The following PDGFB variants were observed in gnomAD, a reference collection of about 807,000 sequenced individuals.
PDGFB encodes the protein platelet-derived growth factor subunit B.
In PDGFB, 6 loss-of-function variants were observed where a neutral mutation model predicts 29.0. The observed-to-expected ratio is 0.21, with a 90% CI of 0.11 to 0.41. The LOEUF (loss-of-function observed/expected upper bound fraction) is 0.41, where lower values mean the gene tolerates loss of function less well. Ranked by LOEUF, PDGFB falls within the 10% of genes least tolerant of loss-of-function variation. The probability of loss-of-function intolerance (pLI) is 1.00; values close to 1 mark genes in which losing one functional copy is unlikely to be tolerated. For missense variants in PDGFB, 299 were observed against 341.8 expected (o/e 0.87, Z 0.99); for synonymous variants, 144 against 140.8 (o/e 1.02, Z -0.16).
rs79409466 is a variant in PDGFB, at chr22:39,243,252, G to GTCTCTC, written c.63+643_63+648dup. Among the ~76,000 whole-genome samples the GTCTCTC allele has an allele frequency of 0.015, 2,175 of 143,802 alleles. 62 individuals carry two copies. Among genetic ancestry groups the GTCTCTC allele is most frequent in the African/African-American group, 0.055 (2,009 of 36,828 alleles). 94.3% of individuals were successfully genotyped at this position (143,802 alleles called of 152,430 possible). The stretch of plus-strand genomic sequence containing the variant: ...CCTCTCTCTCTCCGTCTCTCTCTCC[G>GTCTCTC]TCTCTCTCTCTCTCTCTCTCTTTCT... On this transcript the variant is annotated intron_variant, in intron 1 of 6. Transcript: ENST00000331163. This position sits in a 1 kb window ranked among gnomAD's most constrained non-coding sequence, Gnocchi z 6.4.
At chr22:39,237,422 A>T (rs1230067579) in intron 1 of PDGFB, among the ~76,000 whole-genome samples, 1 of 152,166 alleles carries the variant, frequency 6.6e-6, no homozygotes, top group Admixed American at 6.6e-5. Flanking sequence ...CAACTTGAGG[A>T]AAAAAAGGTG....
At chr22:39,230,349 G>A (rs1333224380) in intron 4 of PDGFB, 121 bp from the exon 5 acceptor site, 11 of 978,518 alleles carry the variant, frequency 1.1e-5, no homozygotes, top group African/African-American at 3.2e-5. Flanking sequence ...CGAAAGCCCG[G>A]AGAGCAGGCT....
At chr22:39,240,878 C>T (rs754296225) in intron 1 of PDGFB, 1 of 1,613,114 alleles carries the variant, frequency 6.2e-7, no homozygotes, top group South Asian at 1.1e-5. Flanking sequence ...AACATCTCAC[C>T]ATTCCTGCTC....
At chr22:39,234,919 GGGCATA>G (rs1375082199) in intron 2 of PDGFB, among the ~76,000 whole-genome samples, 3 of 152,150 alleles carry the variant, frequency 2.0e-5, no homozygotes, top group Non-Finnish European at 4.4e-5. Flanking sequence ...GCGGCCAGTC[GGGCATA>G]GGGTGGGGGT....
Position 39,242,955 on chromosome 22 carries a change from G to C in PDGFB, c.63+946C>G, listed in dbSNP as rs530233088. 8.6e-6 allele frequency: 2 copies of C among 233,130 alleles called. No homozygotes were observed. Among genetic ancestry groups the C allele is most frequent in the Non-Finnish European group, 1.7e-5 (2 of 117,958 alleles). The allele number at this position is 233,130 out of a possible 1,614,324, so 14.4% of individuals were successfully genotyped here. On this transcript the variant is annotated intron_variant, in intron 1 of 6. Coordinates refer to ENST00000331163, the MANE Select transcript of PDGFB (RefSeq NM_002608.4). The surrounding 1 kb of genome is among the most constrained non-coding windows in gnomAD (Gnocchi z 5.7). ...ATTCCGGGTAGACTTGCCAACTCAC[G>C]GCTACGTGAGGCTGGGAGGGGTGGG... is the stretch of plus-strand genomic sequence containing the variant.
At position 39,231,811 on chromosome 22, in the gene PDGFB, A is replaced by G. The variant is rs774881023; in HGVS notation, c.267T>C (p.Ala89=). ...TGCACTCGGCGATCATGGCCGGCTC[A>G]GCAATGGTCAGGGAACCTGGGAGGA... is the stretch of plus-strand genomic sequence containing the variant. ...GRRSLGSLTI[A]EPAMIAECKT... The change falls in exon 4 of 7, where the codon GCT becomes GCC. Residue 89 remains alanine (A), a synonymous_variant. Coordinates refer to ENST00000331163, the MANE Select transcript of PDGFB (RefSeq NM_002608.4). This position sits in a 1 kb window ranked among gnomAD's most constrained non-coding sequence, Gnocchi z 4.3. 2 of 1,613,150 alleles carry G rather than the reference A, an allele frequency of 1.2e-6. No individual in the cohort carries two copies. Among genetic ancestry groups the G allele is most frequent in the Non-Finnish European group, 1.7e-6 (2 of 1,179,898 alleles).
In PDGFB at chr22:39,240,768, T is replaced by A; in HGVS notation, c.63+3133A>T. On this transcript the variant is annotated intron_variant, in intron 1 of 6. Transcript: ENST00000331163. ...AGTAGAGAAAGCAGGTAATAAACAA[T>A]GAAATAAACCAGAACATAGGAAGAG... 19 of 1,475,268 alleles carry A rather than the reference T, an allele frequency of 1.3e-5. No homozygotes were observed. In the South Asian group the frequency reaches 2.0e-4, roughly 16 times the overall value. The allele number at this position is 1,475,268 out of a possible 1,614,324, so 91.4% of individuals were successfully genotyped here.
intron 1 of PDGFB, among the ~76,000 whole-genome samples, chr22:39,237,613 G>C (rs1002088946): frequency 6.6e-6 from 1 of 152,176 alleles, no homozygotes; most frequent in South Asian, 2.1e-4. Flanking sequence ...GAGAGACCAC[G>C]CCTCCGGTGC....
chr22:39,229,954 G>C lies in PDGFB; in HGVS notation c.601+130C>G, dbSNP rs117772734. On this transcript the variant is annotated intron_variant, in intron 5 of 6. Transcript: ENST00000331163. ...AGGAACCTGGCTTGTGTCTCAGCAA[G>C]ATGAAAAGAAAGCCTCCCGTGAATT... 2,606 of 1,100,048 alleles carry C rather than the reference G, an allele frequency of 2.4e-3. 10 individuals carry two copies. Among genetic ancestry groups the C allele is most frequent in the Non-Finnish European group, 3.1e-3 (2,397 of 766,978 alleles). The allele number at this position is 1,100,048 out of a possible 1,614,324, so 68.1% of individuals were successfully genotyped here.
At chr22:39,241,379 G>T (rs1428656725) in intron 1 of PDGFB, among the ~76,000 whole-genome samples, 2 of 152,234 alleles carry the variant, frequency 1.3e-5, no homozygotes, top group African/African-American at 4.8e-5. Flanking sequence ...ACTGACCCCT[G>T]CGTGGTTCCA....
In PDGFB at chr22:39,240,886, C is replaced by T. The variant is rs538611575; in HGVS notation, c.63+3015G>A. 4.3e-6 allele frequency: 7 copies of T among 1,611,672 alleles called. No individual in the cohort carries two copies. The African/African-American group carries it at 9.4e-5, about 22-fold the overall frequency. ...CATGATAAACATCTCACCATTCCTG[C>T]TCAGTCAGTCTCTCTCTCTCTCTCT... On this transcript the variant is annotated intron_variant, in intron 1 of 6. Coordinates refer to ENST00000331163, the MANE Select transcript of PDGFB (RefSeq NM_002608.4).
rs552691007 is a variant in PDGFB, at chr22:39,232,450, C to T, written c.251-623G>A. On this transcript the variant is annotated intron_variant, in intron 3 of 6. Transcript: ENST00000331163. ...GGCTCTGAGAGCTGAATATCCCGTC[C>T]GCCCACATTCATAGATTGGGGGTGG... Among the ~76,000 whole-genome samples the T allele has an allele frequency of 1.4e-4, 22 of 152,290 alleles. No homozygotes were observed. In the East Asian group the frequency reaches 1.7e-3, roughly 12 times the overall value.
Position 39,230,094 on chromosome 22 carries a change from C to T in PDGFB, c.591G>A (p.Gln197=). 1 of 1,613,740 alleles carries T rather than the reference C, an allele frequency of 6.2e-7. No individual in the cohort carries two copies. Among genetic ancestry groups the T allele is most frequent in the East Asian group, 2.2e-5 (1 of 44,890 alleles). ...TGGAAAGGTGGTTACCTCGCTGCTC[C>T]TGGGAACCCCCCGGGCTTCGGGTCA... ...RPVTRSPGGS[Q]EQRAKTPQTR... Residue 197 remains glutamine (Q), a synonymous_variant, in exon 5 of 7, where the codon CAG becomes CAA. Coordinates refer to ENST00000331163, the MANE Select transcript of PDGFB (RefSeq NM_002608.4).
chr22:39,239,351 A>C (rs1205386042), intron 1 of PDGFB, among the ~76,000 whole-genome samples: 2 of 144,986 alleles, frequency 1.4e-5, no homozygotes, highest in African/African-American at 5.0e-5. Flanking sequence ...CCCTACCTCC[A>C]CACTGGCAGA....
At chr22:39,228,779 C>T (rs1408118456) in intron 5 of PDGFB, among the ~76,000 whole-genome samples, 2 of 151,754 alleles carry the variant, frequency 1.3e-5, no homozygotes, top group Non-Finnish European at 2.9e-5. Flanking sequence ...ATTCCAGCTA[C>T]TCGGGAGGCT....
Position 39,225,751 on chromosome 22 carries a change from G to A in PDGFB, c.698C>T (p.Thr233Met), listed in dbSNP as rs531185137. The change falls in exon 6 of 7, where the codon ACG (threonine) becomes ATG (methionine). Residue 233 changes from threonine to methionine, a missense_variant. Coordinates refer to ENST00000331163, the MANE Select transcript of PDGFB (RefSeq NM_002608.4). ...HRKFKHTHDK[T>M]ALKETLGA is the part of the protein sequence containing the mutation. ...GGCTCCAAGGGTCTCCTTCAGTGCC[G>A]TCTTGTCATGCGTGTGCTTGAATTT... is the stretch of plus-strand genomic sequence containing the variant. The A allele has an allele frequency of 9.9e-6, 16 of 1,614,118 alleles. 1 individual carries two copies. The highest frequency in any genetic ancestry group is 7.7e-5 in the South Asian group (7 of 91,076).
rs1273372846 is a variant in PDGFB, at chr22:39,231,888, AG to A, written c.251-62del. 6.9e-7 allele frequency: 1 copy of A among 1,454,426 alleles called. No homozygotes were observed. The highest frequency in any genetic ancestry group is 2.4e-5 in the East Asian group (1 of 42,252). The allele number at this position is 1,454,426 out of a possible 1,614,324, so 90.1% of individuals were successfully genotyped here. ...CCTGTCCAGAGTCCCCCCACTTGGCAGGGGAGCTCAGCGGGTGCCTCCGGGA... is the reference window on the plus strand; with the variant it reads ...CCTGTCCAGAGTCCCCCCACTTGGCAGGGAGCTCAGCGGGTGCCTCCGGGA... On this transcript the variant is annotated intron_variant, in intron 3 of 6. Coordinates refer to ENST00000331163, the MANE Select transcript of PDGFB (RefSeq NM_002608.4). This position sits in a 1 kb window ranked among gnomAD's most constrained non-coding sequence, Gnocchi z 4.3.
At chr22:39,240,778 C>T in intron 1 of PDGFB, 2 of 1,521,500 alleles carry the variant, frequency 1.3e-6, no homozygotes, top group Non-Finnish European at 9.1e-7. Flanking sequence ...TGAAATAAAC[C>T]AGAACATAGG....
intron 5 of PDGFB, among the ~76,000 whole-genome samples, chr22:39,227,558 GT>G (rs1389046724): frequency 1.3e-5 from 2 of 151,362 alleles, no homozygotes; most frequent in Middle Eastern, 3.2e-3. Context: ...GGCAGATGCT[GT>G]TACCCACACT....
Sources: allele counts gnomAD v4.1 joint callset (sites outside exome capture counted in the v4.1 genomes callset), GRCh38; gene constraint gnomAD v4.1.1; non-coding constraint Gnocchi (gnomAD v3.1); transcripts MANE v1.5; gene names NCBI Gene and HGNC (gene_info 2026-07-23, HGNC 2026-07-21).